The following MGST1 variants were observed in gnomAD, a reference collection of about 807,000 sequenced individuals.
The protein encoded by MGST1 is microsomal glutathione S-transferase 1.
A neutral mutation model predicts 8.9 loss-of-function variants in MGST1; 5 were observed. That is an observed-to-expected ratio of 0.56 (90% CI 0.29 to 1.19). The LOEUF is 1.19. Among genes scored for constraint, MGST1 ranks in the 50% most tolerant of loss-of-function variants. The pLI is 0.08. For missense variants in MGST1, 182 were observed against 187.4 expected (o/e 0.97, Z 0.17); for synonymous variants, 54 against 67.8 (o/e 0.80, Z 1.00).
At chr12:16,516,669 T>G (rs954520354) in intron 4 of MGST1, among the ~76,000 whole-genome samples, 3 of 152,174 alleles carry the variant, frequency 2.0e-5, no homozygotes, top group Non-Finnish European at 4.4e-5. Flanking sequence ...AATGAGCCTC[T>G]CAGAAGCTTC....
downstream of MGST1, among the ~76,000 whole-genome samples, chr12:16,364,640 C>G (rs1246653216): frequency 6.6e-6 from 1 of 152,060 alleles, no homozygotes; most frequent in Non-Finnish European, 1.5e-5. This position sits in a 1 kb window ranked among gnomAD's most constrained non-coding sequence, Gnocchi z 5.7. Context: ...CACGTTTTTC[C>G]TATGAACAAG....
chr12:16,441,534 T>C (rs562145698), downstream of MGST1, among the ~76,000 whole-genome samples: 1 of 152,064 alleles, frequency 6.6e-6, no homozygotes, highest in East Asian at 1.9e-4. Context: ...GACTTTTTAC[T>C]GTCTCCATCA....
intron 1 of MGST1, among the ~76,000 whole-genome samples, chr12:16,387,671 C>G (rs1161987301): frequency 6.6e-6 from 1 of 151,950 alleles, no homozygotes; most frequent in East Asian, 1.9e-4. Context: ...GGACTACAGG[C>G]GCCCACCACC....
intron 4 of MGST1, chr12:16,567,438 G>A (rs1345059450): frequency 6.6e-6 from 1 of 152,314 alleles, no homozygotes; most frequent in Non-Finnish European, 1.5e-5. Context: ...CTACAATAAA[G>A]GGGAGGATGG....
At chr12:16,481,598 T>C (rs1468477367) in intron 4 of MGST1, among the ~76,000 whole-genome samples, 15 of 152,142 alleles carry the variant, frequency 9.9e-5, no homozygotes, top group African/African-American at 3.1e-4. Context: ...ACTACAGTTA[T>C]TGAAATTAGA....
intron 4 of MGST1, among the ~76,000 whole-genome samples, chr12:16,536,314 A>G (rs763288238): frequency 4.6e-5 from 7 of 152,316 alleles, no homozygotes; most frequent in Admixed American, 2.6e-4. Flanking sequence ...ATTGTATTTC[A>G]TGTGGTTCAC....
intron 4 of MGST1, among the ~76,000 whole-genome samples, chr12:16,553,744 A>C (rs1942078833): frequency 6.6e-6 from 1 of 152,110 alleles, no homozygotes; most frequent in Non-Finnish European, 1.5e-5. Context: ...AATATAAAGA[A>C]ATTTCAGAGA....
At position 16,568,132 on chromosome 12, in the gene MGST1, C is replaced by T. The variant is rs529528630; in HGVS notation, n.483-21396C>T. ...AGATCTTGGTGAAAGTTATTGTCAT[C>T]GGTTTCTCTGGGTATTGTATGTTAA... is the stretch of plus-strand genomic sequence containing the variant. On this transcript the variant is annotated intron_variant and non_coding_transcript_variant, in intron 4 of 4. Transcript: ENST00000538857. Among the ~76,000 whole-genome samples, 17 of 152,258 alleles carry T rather than the reference C, an allele frequency of 1.1e-4. 1 individual carries two copies. Among genetic ancestry groups the T allele is most frequent in the African/African-American group, 4.1e-4 (17 of 41,558 alleles).
chr12:16,373,017 A>T (rs1253054740), intron 3 of MGST1, among the ~76,000 whole-genome samples: 1 of 130,298 alleles, frequency 7.7e-6, no homozygotes, highest in South Asian at 2.5e-4. Flanking sequence ...ATTATCATAT[A>T]CTATACATAC....
intron 1 of MGST1, among the ~76,000 whole-genome samples, chr12:16,428,849 A>G (rs1940915101): frequency 6.6e-6 from 1 of 152,038 alleles, no homozygotes; most frequent in Non-Finnish European, 1.5e-5. Context: ...TTTGGTCTAT[A>G]AGACATATTT....
At chr12:16,561,275 A>G (rs1424678814) in intron 4 of MGST1, among the ~76,000 whole-genome samples, 1 of 152,252 alleles carries the variant, frequency 6.6e-6, no homozygotes, top group Non-Finnish European at 1.5e-5. Flanking sequence ...CTCTCATTTC[A>G]TAACGTGAGG....
intron 4 of MGST1, among the ~76,000 whole-genome samples, chr12:16,495,546 T>G (rs1455202679): frequency 1.3e-5 from 2 of 152,102 alleles, no homozygotes; most frequent in Non-Finnish European, 2.9e-5. Context: ...TTGATGCTCA[T>G]GGTATATGTA....
chr12:16,349,061 G>A (rs9332884), intron 1 of MGST1: 19,099 of 152,088 alleles, frequency 0.13, 1,292 homozygotes, highest in African/African-American at 0.14. Flanking sequence ...CAGCCACCAC[G>A]ATGCCTTCAG....
chr12:16,538,763 C>G (rs975682376), intron 4 of MGST1, among the ~76,000 whole-genome samples: 1 of 152,060 alleles, frequency 6.6e-6, no homozygotes, highest in Non-Finnish European at 1.5e-5. Flanking sequence ...CGCCCACCAC[C>G]ATGCCTGGCT....
chr12:16,449,182 G>A (rs1345535012), intron 4 of MGST1, among the ~76,000 whole-genome samples: 1 of 151,936 alleles, frequency 6.6e-6, no homozygotes, highest in Admixed American at 6.6e-5. Context: ...TGTACAGGAA[G>A]CTTGTTGTCA....
chr12:16,427,602 G>C (rs1027989400), intron 1 of MGST1, among the ~76,000 whole-genome samples: 1 of 152,062 alleles, frequency 6.6e-6, no homozygotes, highest in Non-Finnish European at 1.5e-5. Context: ...GGATGGTCTC[G>C]AACTTCTGGC....
At chr12:16,493,956 T>G (rs1409343564) in intron 4 of MGST1, among the ~76,000 whole-genome samples, 2 of 152,142 alleles carry the variant, frequency 1.3e-5, no homozygotes, top group East Asian at 3.9e-4. Flanking sequence ...GGAGATTTAG[T>G]CCCTCAATCT....
At chr12:16,475,823 A>G (rs1247239494) in intron 4 of MGST1, among the ~76,000 whole-genome samples, 1 of 152,188 alleles carries the variant, frequency 6.6e-6, no homozygotes, top group Admixed American at 6.5e-5. Flanking sequence ...TTTACTGAGC[A>G]TCTACTATGT....
At chr12:16,382,016 G>A (rs190855001), downstream of MGST1, among the ~76,000 whole-genome samples, 159 of 152,066 alleles carry the variant, frequency 1.0e-3, no homozygotes, top group African/African-American at 3.7e-3. Flanking sequence ...CTCTGCATTG[G>A]TTATTCTAGT....
Sources: allele counts gnomAD v4.1 joint callset (sites outside exome capture counted in the v4.1 genomes callset), GRCh38; gene constraint gnomAD v4.1.1; non-coding constraint Gnocchi (gnomAD v3.1); transcripts MANE v1.5; gene names NCBI Gene and HGNC (gene_info 2026-07-23, HGNC 2026-07-21).